The following CNOT4 variants were observed in gnomAD, a reference collection of about 807,000 sequenced individuals.
The protein encoded by CNOT4 is CCR4-NOT transcription complex subunit 4.
In CNOT4, 8 loss-of-function variants were observed where a neutral mutation model predicts 73.8. The observed-to-expected ratio is 0.11, with a 90% CI of 0.06 to 0.20. CNOT4 has a LOEUF of 0.20. Among genes scored for constraint, CNOT4 ranks in the 10% least tolerant of loss-of-function variants. CNOT4 has a pLI of 1.00. For missense variants in CNOT4, 564 were observed against 883.4 expected (o/e 0.64, Z 4.58); for synonymous variants, 293 against 321.1 (o/e 0.91, Z 0.94).
intron 7 of CNOT4, among the ~76,000 whole-genome samples, chr7:135,399,876 C>T (rs901108909): frequency 4.6e-5 from 7 of 151,960 alleles, no homozygotes; most frequent in Non-Finnish European, 1.0e-4. Context: ...TAGACCTGAG[C>T]CCACTAAGTT....
chr7:135,383,909 T>C (rs1795975087), intron 10 of CNOT4, among the ~76,000 whole-genome samples: 1 of 152,222 alleles, frequency 6.6e-6, no homozygotes, highest in Non-Finnish European at 1.5e-5. Flanking sequence ...CTTGAATGTC[T>C]CTATGTCTTT....
chr7:135,441,727 T>C (rs1211862169), intron 1 of CNOT4, among the ~76,000 whole-genome samples: 1 of 152,206 alleles, frequency 6.6e-6, no homozygotes, highest in African/African-American at 2.4e-5. Flanking sequence ...AAAAGCTTTC[T>C]AGAAGGTAAA....
At chr7:135,428,447 C>T (rs557434608) in intron 2 of CNOT4, among the ~76,000 whole-genome samples, 2 of 152,096 alleles carry the variant, frequency 1.3e-5, no homozygotes, top group Non-Finnish European at 2.9e-5. Flanking sequence ...TAATGCTTAT[C>T]TGTTTAAAAA....
chr7:135,478,734 A>T (rs1362039583), intron 1 of CNOT4, among the ~76,000 whole-genome samples: 1 of 152,070 alleles, frequency 6.6e-6, no homozygotes. Flanking sequence ...AGTCAACCAA[A>T]TCTCATCAAA....
chr7:135,508,623 G>A lies in CNOT4; in HGVS notation c.-93+1266C>T, dbSNP rs113465308. 2.6e-5 allele frequency among the ~76,000 whole-genome samples: 4 copies of A among 152,276 alleles called. 1 individual carries two copies. Among genetic ancestry groups the A allele is most frequent in the African/African-American group, 9.6e-5 (4 of 41,558 alleles). ...AAATCCAAAAATAAGAAGAAAATCT[G>A]ATATTAACTGGAGAGGAAATTTCCA... On this transcript the variant is annotated intron_variant, in intron 1 of 11. Transcript: ENST00000541284.
intron 1 of CNOT4, 46 bp downstream of exon 1, chr7:135,509,843 C>T (rs934657392): frequency 5.1e-6 from 2 of 391,424 alleles, no homozygotes; most frequent in Admixed American, 4.4e-5. Context: ...CTCTCGTAGC[C>T]GGTCAGCCCC....
At chr7:135,430,541 A>G (rs1339620485) in intron 2 of CNOT4, among the ~76,000 whole-genome samples, 1 of 152,114 alleles carries the variant, frequency 6.6e-6, no homozygotes, top group Non-Finnish European at 1.5e-5. Flanking sequence ...GCTACTTGGT[A>G]GGCTGAAGCA....
intron 10 of CNOT4, chr7:135,386,155 T>A (rs1184689350): frequency 7.5e-6 from 1 of 133,884 alleles, no homozygotes; most frequent in African/African-American, 3.3e-5. Context: ...CAGCTGTTCT[T>A]TTTTTTTTTT....
At chr7:135,402,129 A>C (rs200711593) in intron 7 of CNOT4, among the ~76,000 whole-genome samples, 3 of 113,478 alleles carry the variant, frequency 2.6e-5, no homozygotes, top group African/African-American at 9.8e-5. Flanking sequence ...TTTTTTTTTG[A>C]GACAGAGTCT....
chr7:135,461,366 C>G (rs867243686), intron 1 of CNOT4, among the ~76,000 whole-genome samples: 1 of 152,110 alleles, frequency 6.6e-6, no homozygotes, highest in South Asian at 2.1e-4. Context: ...AACTTATCAA[C>G]TACTTTTATC....
intron 1 of CNOT4, among the ~76,000 whole-genome samples, chr7:135,486,488 ACTTTACCAGTTT>A (rs1441435932): frequency 6.6e-6 from 1 of 152,102 alleles, no homozygotes; most frequent in Non-Finnish European, 1.5e-5. Context: ...ACTGGAAAAT[ACTTTACCAGTTT>A]CTTTGAAAAC....
intron 1 of CNOT4, among the ~76,000 whole-genome samples, chr7:135,498,987 G>A (rs146201118): frequency 4.1e-4 from 62 of 152,242 alleles, no homozygotes; most frequent in African/African-American, 1.4e-3. Flanking sequence ...CTTTTAAAGG[G>A]TTTCTAAGGA....
At chr7:135,395,556 C>A in intron 9 of CNOT4, 78 bp downstream of exon 9, 2 of 1,425,134 alleles carry the variant, frequency 1.4e-6, no homozygotes, top group South Asian at 1.4e-5. Flanking sequence ...AAAATATATC[C>A]ACTAATGAGT....
At chr7:135,372,852 GC>G (rs1795294442) in intron 10 of CNOT4, among the ~76,000 whole-genome samples, 2 of 152,172 alleles carry the variant, frequency 1.3e-5, no homozygotes, top group African/African-American at 4.8e-5. Context: ...ACCGCACCCA[GC>G]CTGCTTCCAG....
At chr7:135,467,372 C>G (rs1369651511) in intron 1 of CNOT4, among the ~76,000 whole-genome samples, 1 of 152,172 alleles carries the variant, frequency 6.6e-6, no homozygotes, top group Non-Finnish European at 1.5e-5. Flanking sequence ...CCCACCATCG[C>G]TGTGAGTCAG....
intron 10 of CNOT4, among the ~76,000 whole-genome samples, chr7:135,371,512 G>T (rs1224820860): frequency 6.6e-6 from 1 of 152,094 alleles, no homozygotes; most frequent in Non-Finnish European, 1.5e-5. Context: ...AGAACACAGG[G>T]ACACACAGGC....
chr7:135,409,158 G>A (rs1386957182), intron 7 of CNOT4, among the ~76,000 whole-genome samples: 1 of 152,048 alleles, frequency 6.6e-6, no homozygotes, highest in South Asian at 2.1e-4. Flanking sequence ...ATAAACCACT[G>A]TTTACTACAA....
chr7:135,478,223 A>T (rs1050946099), intron 1 of CNOT4, among the ~76,000 whole-genome samples: 1 of 152,188 alleles, frequency 6.6e-6, no homozygotes, highest in African/African-American at 2.4e-5. Flanking sequence ...GTCTCAACTA[A>T]GGTATCACTC....
rs1395222603 is a variant in CNOT4 at position 135,394,275 on chromosome 7, A to T, written c.1270T>A (p.Ser424Thr). Residue 424 changes from serine to threonine, a missense_variant, in exon 10 of 12, where the codon TCC (serine) becomes ACC (threonine). Around this residue, in one of 10 missense-constraint regions of CNOT4, gnomAD observed 153 missense variants for 158.7 expected, o/e 0.96. Transcript: ENST00000541284. ...ALADLIEKELSVQDQPSLSPT... is the reference protein window; with the variant it reads ...ALADLIEKELTVQDQPSLSPT... ...GAAAGGGAAGGTTGGTCTTGAACGG[A>T]CAGTTCCTTCTCAATCAGGTCTGCT... is the stretch of plus-strand genomic sequence containing the variant. 1 of 1,614,194 alleles carries T rather than the reference A, an allele frequency of 6.2e-7. No homozygotes were observed. The highest frequency in any genetic ancestry group is 1.1e-5 in the South Asian group (1 of 91,084).
Sources: gnomAD v4.1 joint callset for allele counts (sites outside exome capture counted in the v4.1 genomes callset) on GRCh38, gnomAD v4.1.1 for gene constraint, gnomAD v4.1.1 regional missense constraint, MANE v1.5 for transcripts, NCBI Gene and HGNC (gene_info 2026-07-23, HGNC 2026-07-21) for gene names.